The following DIP2C variants were observed in gnomAD, a reference collection of about 807,000 sequenced individuals.
The protein encoded by DIP2C is disco-interacting protein 2 homolog C.
In DIP2C, 33 loss-of-function variants were observed where a neutral mutation model predicts 192.4. That is an observed-to-expected ratio of 0.17 (90% CI 0.13 to 0.23). DIP2C has a LOEUF of 0.23. Among genes scored for constraint, DIP2C ranks in the 10% least tolerant of loss-of-function variants. The pLI is 1.00. For synonymous variants in DIP2C, 979 were observed against 864.1 expected (o/e 1.13, Z -2.33); for missense variants, 1,537 against 2,110.1 (o/e 0.73, Z 5.32).
chr10:283,738 T>C (rs995755073), intron 34 of DIP2C, among the ~76,000 whole-genome samples: 3 of 152,182 alleles, frequency 2.0e-5, no homozygotes, highest in African/African-American at 7.2e-5. Flanking sequence ...TTTAAAAATA[T>C]ACACATCAAA....
intron 3 of DIP2C, among the ~76,000 whole-genome samples, chr10:468,037 C>G (rs1255270842): frequency 6.6e-6 from 1 of 152,168 alleles, no homozygotes; most frequent in Non-Finnish European, 1.5e-5. Context: ...AGACCTCGAG[C>G]TGCCAAGTCT....
Position 545,163 on chromosome 10 carries a change from T to TC in DIP2C, c.86-58634dup, listed in dbSNP as rs201541911. ...CCCTGATCCAACATGACTGGTGTTT[T>TC]CCCTTTTTTTTTTTTTTTTTTTTTT... On this transcript the variant is annotated intron_variant, in intron 1 of 36. Coordinates refer to ENST00000280886, the MANE Select transcript of DIP2C (RefSeq NM_014974.3). 7.6e-3 allele frequency among the ~76,000 whole-genome samples: 988 copies of TC among 130,184 alleles called. 34 individuals are homozygous for TC. The highest frequency in any genetic ancestry group is 0.013 in the African/African-American group (427 of 33,214). 85.4% of individuals were successfully genotyped at this position (130,184 alleles called of 152,430 possible).
At chr10:686,267 GCAGGGCCTCCTCAGCCA>G (rs1023394688) in intron 1 of DIP2C, among the ~76,000 whole-genome samples, 4 of 151,508 alleles carry the variant, frequency 2.6e-5, no homozygotes, top group African/African-American at 4.9e-5. Flanking sequence ...CTCCTCACCT[GCAGGGCCTCCTCAGCCA>G]CAGGGCCTCC....
rs1954561459 is a variant in DIP2C at position 277,177 on chromosome 10, G to C, written c.*148C>G. 1 of 1,220,146 alleles carries C rather than the reference G, an allele frequency of 8.2e-7. No homozygotes were observed. Among genetic ancestry groups the C allele is most frequent in the African/African-American group, 1.5e-5 (1 of 66,134 alleles). 75.6% of individuals were successfully genotyped at this position (1,220,146 alleles called of 1,614,324 possible). On this transcript the variant is annotated 3_prime_UTR_variant, in exon 37 of 37. Transcript: ENST00000280886. ...CCCATGCCAATCGTGGCTGCTGTGA[G>C]AAGTCCTCTTCCTCCTCCTCTTCCT...
At chr10:512,359 G>C (rs1846071185) in intron 1 of DIP2C, among the ~76,000 whole-genome samples, 4 of 152,062 alleles carry the variant, frequency 2.6e-5, no homozygotes, top group Non-Finnish European at 5.9e-5. Context: ...AGGAGCTCAA[G>C]ACCAGCCTGG....
At chr10:610,144 AGAG>A (rs1320341944) in intron 1 of DIP2C, among the ~76,000 whole-genome samples, 11 of 152,194 alleles carry the variant, frequency 7.2e-5, no homozygotes, top group South Asian at 4.1e-4. Context: ...TCCACCACAC[AGAG>A]GAGAGAGCCC....
chr10:511,542 AAC>A (rs1846012372), intron 1 of DIP2C, among the ~76,000 whole-genome samples: 1 of 152,204 alleles, frequency 6.6e-6, no homozygotes, highest in Non-Finnish European at 1.5e-5. Context: ...CTTAAAAAAT[AAC>A]ACGTCTTCCA....
At chr10:656,378 C>T (rs1240095439) in intron 1 of DIP2C, among the ~76,000 whole-genome samples, 1 of 152,114 alleles carries the variant, frequency 6.6e-6, no homozygotes, top group Non-Finnish European at 1.5e-5. Context: ...TAATTCTATC[C>T]TGTTTGTTCC....
Position 670,870 on chromosome 10 carries a change from A to G in DIP2C, c.85+18624T>C, listed in dbSNP as rs551073982. Reference sequence around the variant, plus strand: ...GTAATGGCTGGTAATTAATTGTTATACCAGGTGGAAAAGTATATCATTCAG... The same window carrying G: ...GTAATGGCTGGTAATTAATTGTTATGCCAGGTGGAAAAGTATATCATTCAG... On this transcript the variant is annotated intron_variant, in intron 1 of 36. Transcript: ENST00000280886. 2.0e-5 allele frequency among the ~76,000 whole-genome samples: 3 copies of G among 152,342 alleles called. No homozygotes were observed. In the South Asian group the frequency reaches 6.2e-4, roughly 32 times the overall value.
At chr10:580,919 C>A (rs1850605489) in intron 1 of DIP2C, among the ~76,000 whole-genome samples, 1 of 152,064 alleles carries the variant, frequency 6.6e-6, no homozygotes, top group African/African-American at 2.4e-5. Flanking sequence ...CGATGAAGCA[C>A]TCCTTAAAAA....
At chr10:427,635 TAGCACATTAAAAGCTAATA>T (rs1202115284) in intron 4 of DIP2C, among the ~76,000 whole-genome samples, 1 of 152,196 alleles carries the variant, frequency 6.6e-6, no homozygotes, top group Non-Finnish European at 1.5e-5. Context: ...GAATAGGAAT[TAGCACATTAAAAGCTAATA>T]AGCACATTAA....
chr10:343,038 C>G (rs1958235667), intron 28 of DIP2C, among the ~76,000 whole-genome samples: 1 of 152,172 alleles, frequency 6.6e-6, no homozygotes, highest in African/African-American at 2.4e-5. Context: ...GCCTGTGATC[C>G]CAGCACTTTG....
rs1401833847 is a variant in DIP2C at position 522,484 on chromosome 10, C to T, written c.86-35954G>A. On this transcript the variant is annotated intron_variant, in intron 1 of 36. Coordinates refer to ENST00000280886, the MANE Select transcript of DIP2C (RefSeq NM_014974.3). Reference sequence around the variant, plus strand: ...CGGAGTGCTTAGTTCCATGGGAAACCGCCTTCCACAGCAGCTGCCCCACTT... The same window carrying T: ...CGGAGTGCTTAGTTCCATGGGAAACTGCCTTCCACAGCAGCTGCCCCACTT... Among the ~76,000 whole-genome samples, 5 of 152,214 alleles carry T rather than the reference C, an allele frequency of 3.3e-5. No individual in the cohort carries two copies. The South Asian group carries it at 6.2e-4, about 19-fold the overall frequency.
intron 1 of DIP2C, among the ~76,000 whole-genome samples, chr10:501,346 A>G (rs1453849955): frequency 2.0e-5 from 3 of 152,228 alleles, no homozygotes; most frequent in African/African-American, 7.2e-5. Context: ...GAAGGCAAAT[A>G]AAGTAGAATG....
chr10:399,234 A>AGAGC lies in DIP2C; in HGVS notation c.1150-19_1150-16dup. On this transcript the variant is annotated splice_polypyrimidine_tract_variant and intron_variant, in intron 9 of 36. Coordinates refer to ENST00000280886, the MANE Select transcript of DIP2C (RefSeq NM_014974.3). ...ACCAGTGCCACCTGTGGGACAGGCC[A>AGAGC]GAGCGGGTCAGCATTAACGTGGGGT... The AGAGC allele has an allele frequency of 3.1e-6, 5 of 1,611,614 alleles. No individual in the cohort carries two copies. The highest frequency in any genetic ancestry group is 4.2e-6 in the Non-Finnish European group (5 of 1,177,868).
chr10:354,358 G>A (rs1958972162), intron 24 of DIP2C, among the ~76,000 whole-genome samples: 1 of 152,184 alleles, frequency 6.6e-6, no homozygotes, highest in Non-Finnish European at 1.5e-5. Context: ...CAGGGACACT[G>A]GGCTGTCCAC....
At chr10:658,270 CCCCTGGACCTGCCCCTGGACCTGT>C (rs1175346479) in intron 1 of DIP2C, among the ~76,000 whole-genome samples, 7 of 145,376 alleles carry the variant, frequency 4.8e-5, no homozygotes, top group Admixed American at 2.7e-4. Flanking sequence ...GCTGGACCTG[CCCCTGGACCTGCCCCTGGACCTGT>C]CCCTGGACCT....
At chr10:342,639 T>C (rs1419250515) in intron 28 of DIP2C, among the ~76,000 whole-genome samples, 1 of 152,094 alleles carries the variant, frequency 6.6e-6, no homozygotes, top group Admixed American at 6.5e-5. Context: ...GATCAGAAAG[T>C]GAAGGCTCAC....
At chr10:378,456 CAAACATGCCTAGACAA>C (rs1464137128) in intron 17 of DIP2C, among the ~76,000 whole-genome samples, 1 of 152,182 alleles carries the variant, frequency 6.6e-6, no homozygotes, top group East Asian at 1.9e-4. Context: ...CACGTGAACA[CAAACATGCCTAGACAA>C]AGACATGCAT....
Sources: allele counts gnomAD v4.1 joint callset (sites outside exome capture counted in the v4.1 genomes callset), GRCh38; gene constraint gnomAD v4.1.1; transcripts MANE v1.5; gene names NCBI Gene and HGNC (gene_info 2026-07-23, HGNC 2026-07-21).